ZBED6: variants seen among roughly 807,000 people sequenced by gnomAD.
ZBED6 encodes zinc finger BED domain-containing protein 6.
A neutral mutation model predicts 58.4 loss-of-function variants in ZBED6; 40 were observed. The observed-to-expected ratio is 0.68, with a 90% CI of 0.53 to 0.89. The LOEUF is 0.89. Ranked by LOEUF, ZBED6 falls within the 40% of genes least tolerant of loss-of-function variation. ZBED6 has a pLI of 0.00. For missense variants in ZBED6, 1,057 were observed against 1,003.9 expected (o/e 1.05, Z -0.71); for synonymous variants, 439 against 350.6 (o/e 1.25, Z -2.82).
At chr1:203,800,811 TTA>T (rs1670337988) in exon 1 of ZBED6, 2 of 166,802 alleles carry the variant, frequency 1.2e-5, no homozygotes, top group Non-Finnish European at 2.6e-5. Flanking sequence ...ATGGGAAATT[TTA>T]TTGCTCTGAA....
chr1:203,836,730 C>T (rs2103137692), intron 9 of ZBED6, among the ~76,000 whole-genome samples: 1 of 152,178 alleles, frequency 6.6e-6, no homozygotes. Flanking sequence ...GAGCTGAGAT[C>T]TTCCCACTGC....
chr1:203,850,949 G>C, intron 15 of ZBED6, 108 bp from the exon 16 acceptor site: 1 of 1,355,300 alleles, frequency 7.4e-7, no homozygotes, highest in Non-Finnish European at 1.0e-6. Flanking sequence ...TAGATTCACA[G>C]GCTTAAAGAA....
chr1:203,830,047 ATGCC>A, intron 6 of ZBED6, 72 bp from the exon 7 acceptor site: 1 of 1,352,000 alleles, frequency 7.4e-7, no homozygotes, highest in East Asian at 2.3e-5. Context: ...TCAAAAATAA[ATGCC>A]TGCTATGTAC....
intron 9 of ZBED6, chr1:203,834,173 A>C (rs1222935185): frequency 1.5e-5 from 11 of 713,092 alleles, no homozygotes; most frequent in Non-Finnish European, 1.9e-5. Context: ...ATGATTGGTT[A>C]ATATAATGTG....
chr1:203,837,929 G>A (rs1353174185), intron 9 of ZBED6, 37 bp from the exon 10 acceptor site: 1 of 1,581,264 alleles, frequency 6.3e-7, no homozygotes, highest in African/African-American at 1.4e-5. Context: ...GCTGAAGATT[G>A]ACTTGAAATC....
At chr1:203,798,177 C>G in exon 1 of ZBED6, 1 of 1,536,102 alleles carries the variant, frequency 6.5e-7, no homozygotes, top group Non-Finnish European at 8.7e-7. Flanking sequence ...TGAATATATT[C>G]CTACTGATCC....
At chr1:203,819,888 C>T (rs946126154) in intron 3 of ZBED6, among the ~76,000 whole-genome samples, 1 of 151,526 alleles carries the variant, frequency 6.6e-6, no homozygotes, top group Admixed American at 6.6e-5. Context: ...ATCGTTTAAT[C>T]CTTTGATCTC....
chr1:203,834,158 G>C, intron 9 of ZBED6: 5 of 860,158 alleles, frequency 5.8e-6, no homozygotes, highest in South Asian at 5.3e-5. Flanking sequence ...TTAGAGGCGA[G>C]AAAAATGATT....
chr1:203,820,905 T>C (rs1392286925), intron 3 of ZBED6, among the ~76,000 whole-genome samples: 1 of 152,202 alleles, frequency 6.6e-6, no homozygotes, highest in Non-Finnish European at 1.5e-5. Context: ...GCTTTCTTTT[T>C]GTAATTAATA....
intron 7 of ZBED6, among the ~76,000 whole-genome samples, chr1:203,830,831 G>A (rs1253482703): frequency 6.7e-6 from 1 of 148,312 alleles, no homozygotes; most frequent in Non-Finnish European, 1.5e-5. Flanking sequence ...AAGGAAAAAC[G>A]TCATTTTCTA....
chr1:203,838,257 T>TC lies in ZBED6; in HGVS notation c.*3672+194dup, dbSNP rs1572257635. On this transcript the variant is annotated intron_variant, in intron 10 of 16. Transcript: ENST00000550078. The stretch of plus-strand genomic sequence containing the variant: ...GTAGACACCATTGAAAAAAACACCG[T>TC]CACACTCCTCAGGAGCTTATAGTAT... Among the ~76,000 whole-genome samples, 6 of 152,294 alleles carry TC rather than the reference T, an allele frequency of 3.9e-5. No homozygotes were observed. In the East Asian group the frequency reaches 1.2e-3, roughly 29 times the overall value.
intron 11 of ZBED6, among the ~76,000 whole-genome samples, chr1:203,843,268 A>G (rs555921341): frequency 1.3e-5 from 2 of 152,320 alleles, no homozygotes; most frequent in Middle Eastern, 6.8e-3. Context: ...CTGATTCAGT[A>G]AATACATAAA....
chr1:203,821,996 A>G (rs1409336914), intron 3 of ZBED6, among the ~76,000 whole-genome samples: 1 of 152,070 alleles, frequency 6.6e-6, no homozygotes, highest in Non-Finnish European at 1.5e-5. Flanking sequence ...TGACCTCGTG[A>G]TCCGCCCGCC....
Position 203,850,325 on chromosome 1 carries a change from C to A in ZBED6, c.*4639-190C>A, listed in dbSNP as rs569421351. Reference sequence around the variant, plus strand: ...GTAACAAATTTAAGTGGTATTGTATCTACATGGTGACCACCTGTAGTGACC... The same window carrying A: ...GTAACAAATTTAAGTGGTATTGTATATACATGGTGACCACCTGTAGTGACC... On this transcript the variant is annotated intron_variant, in intron 14 of 16. Transcript: ENST00000550078. 4.4e-5 allele frequency: 35 copies of A among 787,092 alleles called. No individual in the cohort carries two copies. The African/African-American group carries it at 5.3e-4, about 12-fold the overall frequency. 48.8% of individuals were successfully genotyped at this position (787,092 alleles called of 1,614,324 possible).
exon 1 of ZBED6, chr1:203,797,507 T>G: frequency 1.4e-6 from 2 of 1,475,152 alleles, no homozygotes; most frequent in Non-Finnish European, 1.8e-6. Flanking sequence ...GTACGAATTG[T>G]GGAGACATAA....
At chr1:203,851,272 G>A (rs1689186082) in intron 16 of ZBED6, 148 bp downstream of exon 16, 3 of 735,728 alleles carry the variant, frequency 4.1e-6, no homozygotes, top group Non-Finnish European at 6.5e-6. Context: ...GAAAATCTAG[G>A]GTTGCTGTTC....
chr1:203,831,578 C>T, intron 7 of ZBED6, 83 bp from the exon 8 acceptor site: 1 of 1,148,432 alleles, frequency 8.7e-7, no homozygotes, highest in South Asian at 1.3e-5. Flanking sequence ...TTGGACTTAA[C>T]TGGTTACAAA....
At chr1:203,839,362 G>C (rs1685373176) in intron 10 of ZBED6, among the ~76,000 whole-genome samples, 1 of 152,176 alleles carries the variant, frequency 6.6e-6, no homozygotes, top group African/African-American at 2.4e-5. Flanking sequence ...ATTCTTTATA[G>C]TTGAAGGAGA....
rs369850407 is a variant in ZBED6 at position 203,810,902 on chromosome 1, G to A, written c.*2555-6024G>A. ...TCCCAGCACTTTGAGAGGTTGAGGC[G>A]GGCAGATGACCTGAGGTCAGGAGTT... On this transcript the variant is annotated intron_variant, in intron 1 of 16. Transcript: ENST00000550078. Among the ~76,000 whole-genome samples, 14 of 151,608 alleles carry A rather than the reference G, an allele frequency of 9.2e-5. No individual in the cohort carries two copies. The East Asian group carries it at 1.8e-3, about 19-fold the overall frequency.
Sources: gnomAD v4.1 joint callset for allele counts (sites outside exome capture counted in the v4.1 genomes callset) on GRCh38, gnomAD v4.1.1 for gene constraint, MANE v1.5 for transcripts, NCBI Gene and HGNC (gene_info 2026-07-23, HGNC 2026-07-21) for gene names.